RARB: variants seen among roughly 807,000 people sequenced by gnomAD.
RARB encodes the protein retinoic acid receptor beta.
RARB carries 17 observed loss-of-function variants against 51.9 expected under a neutral mutation model. The observed-to-expected ratio is 0.33, with a 90% confidence interval of 0.22 to 0.49. RARB has a LOEUF of 0.49. Among genes scored for constraint, RARB ranks in the 20% least tolerant of loss-of-function variants. RARB has a pLI of 0.99. For missense variants in RARB, 369 were observed against 550.8 expected, an observed-to-expected ratio of 0.67 and a Z score of 3.30; for synonymous variants, 215 against 195.4, an observed-to-expected ratio of 1.10 and a Z score of -0.84.
At chr3:25,074,911 T>C (rs1698842279) in intron 3 of RARB, among the ~76,000 whole-genome samples, 1 of 152,240 alleles carries the variant, frequency 6.6e-6, no homozygotes, top group Admixed American at 6.5e-5. Flanking sequence ...ATTTAGGGAA[T>C]GTGAACTTGA....
chr3:25,264,255 T>C (rs1703074642), intron 5 of RARB, among the ~76,000 whole-genome samples: 1 of 152,168 alleles, frequency 6.6e-6, no homozygotes, highest in Non-Finnish European at 1.5e-5. Context: ...GAAGAAAGTG[T>C]GAACAACGTT....
At chr3:25,271,617 C>G (rs1703259759) in intron 5 of RARB, among the ~76,000 whole-genome samples, 1 of 152,194 alleles carries the variant, frequency 6.6e-6, no homozygotes, top group Non-Finnish European at 1.5e-5. Flanking sequence ...CAACATAACT[C>G]TTGGGAGCAT....
intron 5 of RARB, among the ~76,000 whole-genome samples, chr3:25,345,781 G>A (rs538095280): frequency 6.6e-6 from 1 of 152,070 alleles, no homozygotes; most frequent in Admixed American, 6.6e-5. Context: ...AAGTAAATAA[G>A]TTTCTCAGAG....
intron 3 of RARB, among the ~76,000 whole-genome samples, chr3:25,064,450 A>T (rs924877629): frequency 6.6e-6 from 1 of 152,126 alleles, no homozygotes; most frequent in South Asian, 2.1e-4. Context: ...TCTTTTTCAC[A>T]TACAGTTGTA....
chr3:25,054,904 C>T (rs1365682338), intron 2 of RARB, among the ~76,000 whole-genome samples: 2 of 152,156 alleles, frequency 1.3e-5, no homozygotes, highest in Admixed American at 6.5e-5. Flanking sequence ...TTGAATTCCA[C>T]TTCCTACAGA....
intron 3 of RARB, among the ~76,000 whole-genome samples, chr3:25,127,656 G>A (rs1197583548): frequency 3.3e-5 from 5 of 151,998 alleles, no homozygotes; most frequent in Non-Finnish European, 7.4e-5. Flanking sequence ...GGAAGAGAGT[G>A]GGAGGGAGAG....
At chr3:25,379,521 A>G (rs1327002047) in intron 5 of RARB, among the ~76,000 whole-genome samples, 1 of 152,196 alleles carries the variant, frequency 6.6e-6, no homozygotes, top group African/African-American at 2.4e-5. Flanking sequence ...TAAGGATAAA[A>G]TGGTTATAAC....
chr3:25,291,960 CAG>C (rs1185323687), intron 5 of RARB, among the ~76,000 whole-genome samples: 1 of 152,082 alleles, frequency 6.6e-6, no homozygotes, highest in Non-Finnish European at 1.5e-5. Context: ...TGGGGATTGA[CAG>C]AACCACTCCT....
intron 1 of RARB, among the ~76,000 whole-genome samples, chr3:25,454,778 A>G (rs1224999523): frequency 6.6e-6 from 1 of 152,244 alleles, no homozygotes; most frequent in Non-Finnish European, 1.5e-5. Context: ...GGAATTGTGA[A>G]GGGAGCTATT....
intron 2 of RARB, among the ~76,000 whole-genome samples, chr3:24,938,993 T>G (rs73051251): frequency 7.9e-5 from 8 of 101,112 alleles, no homozygotes; most frequent in Non-Finnish European, 1.4e-4. Flanking sequence ...TGTTGTTGTT[T>G]TTTTTTTTAG....
intron 3 of RARB, among the ~76,000 whole-genome samples, chr3:25,526,299 G>A (rs1388420761): frequency 6.6e-6 from 1 of 152,218 alleles, no homozygotes; most frequent in Non-Finnish European, 1.5e-5. Flanking sequence ...GGAAGCCAAA[G>A]GGTGGTGTTC....
chr3:24,904,446 T>A (rs1458750908), intron 2 of RARB, among the ~76,000 whole-genome samples: 1 of 151,982 alleles, frequency 6.6e-6, no homozygotes, highest in Non-Finnish European at 1.5e-5. Context: ...GAAATGCAAA[T>A]CAAAACCACA....
intron 2 of RARB, among the ~76,000 whole-genome samples, chr3:25,015,186 G>A (rs1697482905): frequency 6.6e-6 from 1 of 152,110 alleles, no homozygotes; most frequent in East Asian, 1.9e-4. Context: ...TTGATGGTGT[G>A]ACTTCACTTC....
At chr3:25,201,920 G>C (rs569890660) in intron 5 of RARB, among the ~76,000 whole-genome samples, 5 of 151,900 alleles carry the variant, frequency 3.3e-5, no homozygotes, top group Non-Finnish European at 7.4e-5. Flanking sequence ...TTTCTGCCAG[G>C]CTTTGGTATC....
chr3:25,097,032 G>T (rs1329408767), intron 3 of RARB, among the ~76,000 whole-genome samples: 1 of 152,096 alleles, frequency 6.6e-6, no homozygotes, highest in Non-Finnish European at 1.5e-5. Context: ...CAGAAATCTT[G>T]CTTTATAGGT....
chr3:25,467,319 G>T lies in RARB; in HGVS notation c.306+5978G>T, dbSNP rs554575060. ...GACATTTATTATTCATTATAATTCT[G>T]GATAGGTCTTCTTGTCTTGGCTGAC... On this transcript the variant is annotated intron_variant, in intron 2 of 7. Coordinates refer to ENST00000330688, the MANE Select transcript of RARB (RefSeq NM_000965.5). Among the ~76,000 whole-genome samples, 9 of 152,310 alleles carry T rather than the reference G, an allele frequency of 5.9e-5. 1 individual carries two copies. In the South Asian group the frequency reaches 1.9e-3, roughly 32 times the overall value.
At chr3:25,550,578 A>T (rs1272660534) in intron 3 of RARB, among the ~76,000 whole-genome samples, 1 of 152,166 alleles carries the variant, frequency 6.6e-6, no homozygotes, top group Non-Finnish European at 1.5e-5. Flanking sequence ...CTCGCCTTTG[A>T]ATACCATCAC....
chr3:24,967,836 T>C (rs1696310764), intron 2 of RARB, among the ~76,000 whole-genome samples: 1 of 152,186 alleles, frequency 6.6e-6, no homozygotes, highest in African/African-American at 2.4e-5. Flanking sequence ...GTCAAATAAA[T>C]TAATGGATAA....
intron 1 of RARB, among the ~76,000 whole-genome samples, chr3:25,438,014 C>T (rs866234376): frequency 2.6e-5 from 4 of 152,198 alleles, no homozygotes; most frequent in African/African-American, 4.8e-5. Context: ...GGCTGGGCTC[C>T]GCTGGGCAGA....
Sources: allele counts gnomAD v4.1 joint callset (sites outside exome capture counted in the v4.1 genomes callset), GRCh38; gene constraint gnomAD v4.1.1; transcripts MANE v1.5; gene names NCBI Gene and HGNC (gene_info 2026-07-23, HGNC 2026-07-21).